KCND2: variants seen among roughly 807,000 people sequenced by gnomAD.
KCND2 encodes the protein A-type voltage-gated potassium channel KCND2.
Under a neutral mutation model 54.4 loss-of-function variants are expected in KCND2, and 16 were observed. That is an observed-to-expected ratio of 0.29 (90% CI 0.20 to 0.45). KCND2 has a LOEUF of 0.45. KCND2 is among the 20% of genes least tolerant of loss of function. The probability of loss-of-function intolerance (pLI) is 1.00; values close to 1 mark genes in which losing one functional copy is unlikely to be tolerated. For synonymous variants in KCND2, 317 were observed against 310.7 expected, an observed-to-expected ratio of 1.02 and a Z score of -0.21; for missense variants, 486 against 824.2, an observed-to-expected ratio of 0.59 and a Z score of 5.02.
intron 1 of KCND2, among the ~76,000 whole-genome samples, chr7:120,324,085 C>T (rs1044464452): frequency 6.6e-6 from 1 of 151,242 alleles, no homozygotes; most frequent in Non-Finnish European, 1.5e-5. Context: ...TTTTTGGGTG[C>T]ATAAATGTCT....
intron 1 of KCND2, among the ~76,000 whole-genome samples, chr7:120,389,670 A>C (rs1165149520): frequency 6.6e-6 from 1 of 151,786 alleles, no homozygotes; most frequent in Non-Finnish European, 1.5e-5. Flanking sequence ...ACTCATGTTA[A>C]CCTAATTTTT....
chr7:120,461,763 T>C (rs1444651016), intron 1 of KCND2, among the ~76,000 whole-genome samples: 1 of 152,132 alleles, frequency 6.6e-6, no homozygotes, highest in East Asian at 1.9e-4. Context: ...AAAAAACAGA[T>C]TTCTGTTCCC....
Position 120,555,552 on chromosome 7 carries a change from C to CT in KCND2, c.1116-177351_1116-177350insT, listed in dbSNP as rs200751661. Among the ~76,000 whole-genome samples the CT allele has an allele frequency of 4.3e-3, 657 of 152,308 alleles. 3 individuals are homozygous for CT. The highest frequency in any genetic ancestry group is 0.015 in the African/African-American group (611 of 41,564). On this transcript the variant is annotated intron_variant, in intron 1 of 5. Coordinates refer to ENST00000331113, the MANE Select transcript of KCND2 (RefSeq NM_012281.3). ...TCAGGTCAACTTCTTGCAAATTCAG[C>CT]ATAGTGAGTTCTCTACAAAATCCAA...
intron 1 of KCND2, among the ~76,000 whole-genome samples, chr7:120,276,746 G>A (rs573863540): frequency 9.9e-5 from 15 of 152,186 alleles, no homozygotes; most frequent in Admixed American, 9.2e-4. Context: ...AGGAAAGGAG[G>A]CAAATGATTA....
intron 1 of KCND2, among the ~76,000 whole-genome samples, chr7:120,533,296 C>A (rs1053156033): frequency 7.2e-5 from 11 of 151,934 alleles, no homozygotes; most frequent in African/African-American, 2.7e-4. Flanking sequence ...CACCTTTTGC[C>A]GAACTTGTAA....
intron 1 of KCND2, among the ~76,000 whole-genome samples, chr7:120,410,690 A>AC (rs1044265075): frequency 1.7e-5 from 1 of 60,076 alleles, no homozygotes; most frequent in African/African-American, 6.4e-5. Context: ...ATGCTCTCCC[A>AC]CCCCCCTCCC....
chr7:120,421,139 A>C (rs1303810217), intron 1 of KCND2, among the ~76,000 whole-genome samples: 2 of 152,232 alleles, frequency 1.3e-5, no homozygotes, highest in Non-Finnish European at 2.9e-5. Context: ...TAATCATAGC[A>C]TATGCAAGTC....
intron 1 of KCND2, among the ~76,000 whole-genome samples, chr7:120,512,023 A>G (rs141925171): frequency 1.9e-4 from 29 of 152,224 alleles, no homozygotes; most frequent in African/African-American, 6.5e-4. Context: ...CGAATGTGTG[A>G]ATTACCAACT....
At chr7:120,345,809 C>T (rs764544253) in intron 1 of KCND2, among the ~76,000 whole-genome samples, 6 of 152,186 alleles carry the variant, frequency 3.9e-5, no homozygotes, top group Non-Finnish European at 5.9e-5. Flanking sequence ...ATGAACATAA[C>T]TGCACAAACA....
At chr7:120,492,597 C>T (rs1802800055) in intron 1 of KCND2, among the ~76,000 whole-genome samples, 1 of 152,064 alleles carries the variant, frequency 6.6e-6, no homozygotes. Flanking sequence ...CACCTTCTAG[C>T]TGTGTCCTGA....
intron 1 of KCND2, among the ~76,000 whole-genome samples, chr7:120,524,157 C>T (rs1791741025): frequency 6.6e-6 from 1 of 151,878 alleles, no homozygotes; most frequent in South Asian, 2.1e-4. Context: ...ATCGCCGGAA[C>T]CCGGGAGGTG....
At chr7:120,628,649 G>A (rs1793190891) in intron 1 of KCND2, among the ~76,000 whole-genome samples, 1 of 152,162 alleles carries the variant, frequency 6.6e-6, no homozygotes, top group Admixed American at 6.5e-5. Context: ...AATGAAATCA[G>A]AGCTAACTAT....
intron 1 of KCND2, among the ~76,000 whole-genome samples, chr7:120,501,728 C>A (rs529622905): frequency 3.3e-5 from 5 of 152,172 alleles, no homozygotes; most frequent in African/African-American, 1.2e-4. Context: ...ATAAGCCAAT[C>A]CTGACAATTC....
intron 1 of KCND2, among the ~76,000 whole-genome samples, chr7:120,421,508 A>G (rs1166436016): frequency 6.6e-6 from 1 of 152,200 alleles, no homozygotes; most frequent in African/African-American, 2.4e-5. Flanking sequence ...TGAAGACAGA[A>G]TGAGAAAGGC....
At chr7:120,380,768 G>A (rs561707226) in intron 1 of KCND2, among the ~76,000 whole-genome samples, 1 of 152,032 alleles carries the variant, frequency 6.6e-6, no homozygotes, top group South Asian at 2.1e-4. Flanking sequence ...GGTGTAAGTT[G>A]TTTCCCAAAA....
At chr7:120,441,003 A>T (rs1801938002) in intron 1 of KCND2, among the ~76,000 whole-genome samples, 1 of 152,046 alleles carries the variant, frequency 6.6e-6, no homozygotes, top group Admixed American at 6.6e-5. Flanking sequence ...ACCCACACAG[A>T]TGTGGGTACA....
At chr7:120,450,850 C>G (rs1011296911) in intron 1 of KCND2, among the ~76,000 whole-genome samples, 1 of 152,138 alleles carries the variant, frequency 6.6e-6, no homozygotes, top group Non-Finnish European at 1.5e-5. Flanking sequence ...GTTGCTGACG[C>G]CTCTCCTACT....
At chr7:120,613,056 T>C (rs1367462881) in intron 1 of KCND2, among the ~76,000 whole-genome samples, 1 of 150,890 alleles carries the variant, frequency 6.6e-6, no homozygotes, top group East Asian at 1.9e-4. Context: ...CAGTATTTTG[T>C]GTAGTAGCAA....
chr7:120,429,537 A>G (rs1470120888), intron 1 of KCND2, among the ~76,000 whole-genome samples: 1 of 149,040 alleles, frequency 6.7e-6, no homozygotes, highest in African/African-American at 2.5e-5. Flanking sequence ...GAGAGGGGGG[A>G]AGGGGAAGAG....
Sources: allele counts gnomAD v4.1 joint callset (sites outside exome capture counted in the v4.1 genomes callset), GRCh38; gene constraint gnomAD v4.1.1; transcripts MANE v1.5; gene names NCBI Gene and HGNC (gene_info 2026-07-23, HGNC 2026-07-21).